Variants in ADGRB1 observed in about 807,000 individuals in gnomAD.
The protein encoded by ADGRB1 is adhesion G protein-coupled receptor B1, also known as brain-specific angiogenesis inhibitor 1.
A neutral mutation model predicts 175.7 loss-of-function variants in ADGRB1; 36 were observed. That is an observed-to-expected ratio of 0.20 (90% CI 0.16 to 0.27). The LOEUF (loss-of-function observed/expected upper bound fraction) is 0.27. ADGRB1 is among the 10% of genes least tolerant of loss of function. The pLI, the probability that ADGRB1 is intolerant of heterozygous loss-of-function variation, is 1.00. For synonymous variants in ADGRB1, 1,054 were observed against 979.4 expected, an observed-to-expected ratio of 1.08 and a Z score of -1.42; for missense variants, 1,731 against 2,255.3, an observed-to-expected ratio of 0.77 and a Z score of 4.71.
At position 142,455,104 on chromosome 8, in the gene ADGRB1, C is replaced by T. The variant is rs1482724400; in HGVS notation, c.-220+5000C>T. Among the ~76,000 whole-genome samples, 1 of 148,634 alleles carries T rather than the reference C, an allele frequency of 6.7e-6. No individual in the cohort carries two copies. Among genetic ancestry groups the T allele is most frequent in the Non-Finnish European group, 1.5e-5 (1 of 67,092 alleles). On this transcript the variant is annotated intron_variant, in intron 1 of 30. Coordinates refer to ENST00000517894, the MANE Select transcript of ADGRB1 (RefSeq NM_001702.3). This position sits in a 1 kb window ranked among gnomAD's most constrained non-coding sequence, Gnocchi z 4.9. Reference sequence around the variant, plus strand: ...CCTCACTGCCCCCCTACCATCTCACCCCACCCCATCACCCCCACCACCATT... The same window carrying T: ...CCTCACTGCCCCCCTACCATCTCACTCCACCCCATCACCCCCACCACCATT...
In ADGRB1 at chr8:142,479,442, G is replaced by T; in HGVS notation, c.1681G>T (p.Gly561Cys). 1 of 1,549,836 alleles carries T rather than the reference G, an allele frequency of 6.5e-7. No homozygotes were observed. The highest frequency in any genetic ancestry group is 2.3e-5 in the East Asian group (1 of 42,830). ...GPFFGGAACQ[G>C]PQDEYRQCGT... is the part of the protein sequence containing the mutation. ...CTTCTTCGGGGGAGCAGCCTGCCAG[G>T]GCCCCCAGGATGAGTACCGGCAGTG... Residue 561 changes from glycine to cysteine, a missense_variant, in exon 8 of 31, where the codon GGC becomes TGC. By Grantham distance (159) the Gly-to-Cys change is radical. Coordinates refer to ENST00000517894, the MANE Select transcript of ADGRB1 (RefSeq NM_001702.3).
intron 22 of ADGRB1, 86 bp from the exon 23 acceptor site, chr8:142,524,152 C>A: frequency 7.0e-7 from 1 of 1,434,714 alleles, no homozygotes; most frequent in Non-Finnish European, 9.5e-7. Flanking sequence ...CACTTCCCAG[C>A]TCACCCCTAC....
chr8:142,469,631 GTGTA>G (rs1207340283), intron 2 of ADGRB1, among the ~76,000 whole-genome samples: 117 of 151,636 alleles, frequency 7.7e-4, no homozygotes, highest in African/African-American at 2.7e-3. Flanking sequence ...ACGTGCATGT[GTGTA>G]TGTGCACGTG....
At chr8:142,518,592 T>G (rs1278765304) in intron 19 of ADGRB1, among the ~76,000 whole-genome samples, 2 of 152,156 alleles carry the variant, frequency 1.3e-5, no homozygotes, top group Non-Finnish European at 2.9e-5. Flanking sequence ...AGTCAGGCCT[T>G]AAGGCCCAAA....
chr8:142,505,598 C>G (rs1044886685), intron 17 of ADGRB1, among the ~76,000 whole-genome samples: 1 of 152,106 alleles, frequency 6.6e-6, no homozygotes, highest in South Asian at 2.1e-4. Flanking sequence ...TGGTTACTGA[C>G]GGGACTGTGG....
At chr8:142,478,689 C>T (rs1413457329) in intron 7 of ADGRB1, among the ~76,000 whole-genome samples, 1 of 139,482 alleles carries the variant, frequency 7.2e-6, no homozygotes, top group African/African-American at 2.8e-5. Context: ...GCAGGGTGCA[C>T]AGTGGGACTT....
At chr8:142,488,326 C>T in intron 13 of ADGRB1, 38 bp from the exon 14 acceptor site, 1 of 1,610,232 alleles carries the variant, frequency 6.2e-7, no homozygotes, top group Non-Finnish European at 8.5e-7. Context: ...GTGACTTTCC[C>T]TCCTCTCTGT....
rs147090588 is a variant in ADGRB1 at position 142,474,647 on chromosome 8, G to A, written c.785-827G>A. On this transcript the variant is annotated intron_variant, in intron 2 of 30. Coordinates refer to ENST00000517894, the MANE Select transcript of ADGRB1 (RefSeq NM_001702.3). The surrounding 1 kb of genome is among the most constrained non-coding windows in gnomAD (Gnocchi z 5.8). ...CCCAAAGTGTTTTTGGCAGCACGAG[G>A]ACCCCCCGGGAGCAGAGACTCCTGG... is the stretch of plus-strand genomic sequence containing the variant. Among the ~76,000 whole-genome samples the A allele has an allele frequency of 7.7e-4, 118 of 152,270 alleles. No individual in the cohort carries two copies. Among genetic ancestry groups the A allele is most frequent in the Non-Finnish European group, 1.3e-3 (91 of 68,012 alleles).
chr8:142,451,199 A>G (rs1291690619), intron 1 of ADGRB1, among the ~76,000 whole-genome samples: 3 of 152,210 alleles, frequency 2.0e-5, no homozygotes, highest in South Asian at 2.1e-4. Context: ...TGCGACCGGG[A>G]GGGCTTGACG....
chr8:142,508,875 TGAGAG>T (rs771009158), intron 17 of ADGRB1, among the ~76,000 whole-genome samples: 2 of 152,182 alleles, frequency 1.3e-5, no homozygotes, highest in Non-Finnish European at 2.9e-5. Context: ...ACACCGCACT[TGAGAG>T]GGGAGGGGGC....
At chr8:142,534,642 G>T (rs1214049109) in intron 25 of ADGRB1, among the ~76,000 whole-genome samples, 2 of 152,206 alleles carry the variant, frequency 1.3e-5, no homozygotes, top group Non-Finnish European at 2.9e-5. Flanking sequence ...CAGCCGGGCA[G>T]TGCTCCACAC....
At chr8:142,484,824 C>T (rs964161203) in intron 13 of ADGRB1, 60 bp downstream of exon 13, 9 of 1,313,746 alleles carry the variant, frequency 6.9e-6, no homozygotes, top group Non-Finnish European at 6.4e-6. Flanking sequence ...GGGCCAGGCC[C>T]TTCTGCCTCA....
At chr8:142,534,244 C>G (rs1844801695) in intron 25 of ADGRB1, among the ~76,000 whole-genome samples, 1 of 152,228 alleles carries the variant, frequency 6.6e-6, no homozygotes, top group Admixed American at 6.5e-5. Context: ...CCGCCCCCTC[C>G]CCAGGATCTC....
At chr8:142,500,877 C>G (rs1180768384) in intron 17 of ADGRB1, among the ~76,000 whole-genome samples, 2 of 152,094 alleles carry the variant, frequency 1.3e-5, no homozygotes, top group East Asian at 1.9e-4. Context: ...GTGGGGTCAG[C>G]CTGGAGATCC....
chr8:142,502,321 G>GGGT (rs1842625288), intron 17 of ADGRB1, among the ~76,000 whole-genome samples: 2 of 109,418 alleles, frequency 1.8e-5, no homozygotes, highest in African/African-American at 6.8e-5. Flanking sequence ...GGTGATGGTG[G>GGGT]GGTAGTGATG....
chr8:142,477,520 C>T lies in ADGRB1; in HGVS notation c.1358C>T (p.Thr453Ile). Residue 453 changes from threonine to isoleucine, a missense_variant, in exon 6 of 31, where the codon ACC becomes ATC. Physicochemically the swap from Thr to Ile is moderately conservative, Grantham distance 89. Around this residue, in one of 8 missense-constraint regions of ADGRB1, gnomAD observed 388 missense variants for 630.9 expected, o/e 0.61. Coordinates refer to ENST00000517894, the MANE Select transcript of ADGRB1 (RefSeq NM_001702.3). ...GNPCEGPEKQTKFCNIALCPG... is the reference protein window; with the variant it reads ...GNPCEGPEKQIKFCNIALCPG... ...CCCTGTGAGGGCCCTGAGAAGCAAACCAAGTTCTGCAACATTGCCCTGTGC... is the reference window on the plus strand; with the variant it reads ...CCCTGTGAGGGCCCTGAGAAGCAAATCAAGTTCTGCAACATTGCCCTGTGC... 1 of 1,613,200 alleles carries T rather than the reference C, an allele frequency of 6.2e-7. No individual in the cohort carries two copies. The highest frequency in any genetic ancestry group is 8.5e-7 in the Non-Finnish European group (1 of 1,179,758).
rs554127237 is a variant in ADGRB1 at position 142,543,667 on chromosome 8, G to T, written c.4516G>T (p.Ala1506Ser). The part of the protein sequence containing the change: ...FQDLNRKLQH[A>S]AEKDKEVLGP... The stretch of plus-strand genomic sequence containing the variant: ...GGACCTGAACCGGAAGCTGCAGCAC[G>T]CAGCGGAGAAGGACAAGGAGGTGCT... The change falls in exon 30 of 31, where the codon GCA becomes TCA. Residue 1506 changes from alanine to serine, a missense_variant. By Grantham distance (99) the Ala-to-Ser change is moderately conservative. Coordinates refer to ENST00000517894, the MANE Select transcript of ADGRB1 (RefSeq NM_001702.3). The surrounding 1 kb of genome is among the most constrained non-coding windows in gnomAD (Gnocchi z 4.4). 5.2e-6 allele frequency: 8 copies of T among 1,546,282 alleles called. 1 individual carries two copies. The highest frequency in any genetic ancestry group is 3.4e-4 in the Middle Eastern group (2 of 5,938).
At chr8:142,465,037 CGGGCAGACA>C in intron 2 of ADGRB1, 55 bp downstream of exon 2, 54 of 142,296 alleles carry the variant, frequency 3.8e-4, no homozygotes, top group Non-Finnish European at 5.2e-4. Flanking sequence ...ACAGGGGAGG[CGGGCAGACA>C]GGGGAGGCGG....
chr8:142,472,443 C>A (rs11989517), intron 2 of ADGRB1, among the ~76,000 whole-genome samples: 3,343 of 152,278 alleles, frequency 0.022, 123 homozygotes, highest in African/African-American at 0.074. Context: ...ACCCCCCAGC[C>A]TGCTTGCTGC....
Sources: allele counts gnomAD v4.1 joint callset (sites outside exome capture counted in the v4.1 genomes callset), GRCh38; gene constraint gnomAD v4.1.1; regional missense constraint gnomAD v4.1.1; non-coding constraint Gnocchi (gnomAD v3.1); transcripts MANE v1.5; gene names NCBI Gene and HGNC (gene_info 2026-07-23, HGNC 2026-07-21).